PTPRT: variants seen among roughly 807,000 people sequenced by gnomAD.
PTPRT encodes protein tyrosine phosphatase receptor type T.
PTPRT carries 56 observed loss-of-function variants against 176.8 expected under a neutral mutation model. The observed-to-expected ratio is 0.32, with a 90% CI of 0.26 to 0.40. PTPRT has a LOEUF of 0.40. Among genes scored for constraint, PTPRT ranks in the 10% least tolerant of loss-of-function variants. PTPRT has a pLI of 1.00. For missense variants in PTPRT, 1,540 were observed against 1,908.2 expected (o/e 0.81, Z 3.60); for synonymous variants, 783 against 739.0 (o/e 1.06, Z -0.96).
At chr20:43,007,460 T>G (rs1004486636) in intron 1 of PTPRT, among the ~76,000 whole-genome samples, 3 of 152,260 alleles carry the variant, frequency 2.0e-5, no homozygotes, top group African/African-American at 7.2e-5. Flanking sequence ...AACTTTGATA[T>G]GTAAATTAAA....
chr20:42,743,501 A>C (rs554174357), intron 6 of PTPRT, among the ~76,000 whole-genome samples: 1 of 152,290 alleles, frequency 6.6e-6, no homozygotes, highest in African/African-American at 2.4e-5. Context: ...TTTTTATACT[A>C]TTTTAGAAAG....
At chr20:42,886,074 A>G (rs966840105) in intron 1 of PTPRT, 142 bp from the exon 2 acceptor site, 1 of 384,150 alleles carries the variant, frequency 2.6e-6, no homozygotes, top group African/African-American at 2.2e-5. Context: ...TATATATAAA[A>G]GATGAGCAAA....
intron 16 of PTPRT, among the ~76,000 whole-genome samples, chr20:42,182,547 C>A (rs932655192): frequency 6.6e-6 from 1 of 152,090 alleles, no homozygotes; most frequent in Non-Finnish European, 1.5e-5. Flanking sequence ...TGGAATGACT[C>A]CTATGTTCTG....
chr20:42,924,130 C>G (rs58770909), intron 1 of PTPRT, among the ~76,000 whole-genome samples: 4,595 of 152,240 alleles, frequency 0.03, 150 homozygotes, highest in African/African-American at 0.082. Context: ...GCTGGGATTA[C>G]AAGCATTTGC....
chr20:42,596,884 T>C (rs933235973), intron 7 of PTPRT, among the ~76,000 whole-genome samples: 33 of 152,178 alleles, frequency 2.2e-4, no homozygotes, highest in African/African-American at 7.7e-4. Context: ...GAAGTGTAAA[T>C]TGGTGTATAA....
At chr20:42,057,943 C>T in the PTPRT span, among the ~76,000 whole-genome samples, 1 of 152,146 alleles carries the variant, frequency 6.6e-6, no homozygotes, top group Non-Finnish European at 1.5e-5. Context: ...TTGGAAACAT[C>T]AAACAATTAG....
At chr20:42,811,244 T>C (rs923116513) in intron 2 of PTPRT, among the ~76,000 whole-genome samples, 3 of 152,152 alleles carry the variant, frequency 2.0e-5, no homozygotes, top group Non-Finnish European at 4.4e-5. Context: ...CATTAACATA[T>C]GGCAAACATC....
At chr20:42,844,763 C>T (rs1028350519) in intron 2 of PTPRT, among the ~76,000 whole-genome samples, 17 of 152,240 alleles carry the variant, frequency 1.1e-4, no homozygotes, top group Admixed American at 9.8e-4. Flanking sequence ...ACTGCTCTGG[C>T]GTTTGTTCAT....
intron 6 of PTPRT, among the ~76,000 whole-genome samples, chr20:42,741,353 CT>C (rs376747081): frequency 4.3e-4 from 66 of 151,952 alleles, no homozygotes; most frequent in African/African-American, 1.4e-3. Context: ...CTTTTCTGTT[CT>C]TTTTTTTGAG....
chr20:42,532,809 G>A (rs941404932), intron 7 of PTPRT, among the ~76,000 whole-genome samples: 1 of 152,040 alleles, frequency 6.6e-6, no homozygotes, highest in African/African-American at 2.4e-5. Context: ...ATGGGCTCCA[G>A]GTATAAACCC....
intron 9 of PTPRT, among the ~76,000 whole-genome samples, chr20:42,426,584 T>A (rs2059166270): frequency 6.6e-6 from 1 of 152,196 alleles, no homozygotes; most frequent in Admixed American, 6.5e-5. Flanking sequence ...ACTTAAGCCG[T>A]CTGCAGATGG....
In PTPRT at chr20:42,199,221, C is replaced by T. The variant is rs553517419; in HGVS notation, c.2491+19G>A. 3 of 1,612,864 alleles carry T rather than the reference C, an allele frequency of 1.9e-6. No homozygotes were observed. In the African/African-American group the frequency reaches 4.0e-5, roughly 21 times the overall value. On this transcript the variant is annotated intron_variant, in intron 16 of 30. Coordinates refer to ENST00000373187, the MANE Select transcript of PTPRT (RefSeq NM_007050.6). ...GCTGGACCACGGATGTCCCCTTCCC[C>T]TTTGTTGGCTCTACTTACTGAATCC...
At chr20:42,660,051 T>C (rs1312384684) in intron 7 of PTPRT, among the ~76,000 whole-genome samples, 2 of 152,172 alleles carry the variant, frequency 1.3e-5, no homozygotes, top group East Asian at 3.8e-4. Context: ...ACAGTGATCA[T>C]CTGAATTAAG....
At chr20:42,088,660 C>T (rs1459959534) in intron 27 of PTPRT, among the ~76,000 whole-genome samples, 1 of 152,202 alleles carries the variant, frequency 6.6e-6, no homozygotes, top group African/African-American at 2.4e-5. Context: ...TGAAACACAG[C>T]TACACTTATT....
intron 1 of PTPRT, among the ~76,000 whole-genome samples, chr20:43,132,421 G>A (rs4810375): frequency 0.43 from 65,056 of 151,976 alleles, 14,797 homozygotes; most frequent in East Asian, 0.83. Flanking sequence ...AAAATCACCC[G>A]TAACCCTGGA....
At chr20:42,627,376 GC>G (rs2145876955) in intron 7 of PTPRT, among the ~76,000 whole-genome samples, 1 of 151,986 alleles carries the variant, frequency 6.6e-6, no homozygotes, top group East Asian at 1.9e-4. Flanking sequence ...CAACCCTCTT[GC>G]CTCAACCTCC....
intron 1 of PTPRT, among the ~76,000 whole-genome samples, chr20:42,961,658 C>T (rs1600597909): frequency 6.6e-6 from 1 of 152,106 alleles, no homozygotes; most frequent in Admixed American, 6.5e-5. Flanking sequence ...GGAGGGGGCC[C>T]CCACACTCTC....
At chr20:43,076,138 G>C (rs1049892166) in intron 1 of PTPRT, among the ~76,000 whole-genome samples, 2 of 152,186 alleles carry the variant, frequency 1.3e-5, no homozygotes, top group African/African-American at 4.8e-5. Flanking sequence ...AGTGACCACA[G>C]TATAACTAAA....
chr20:42,734,377 C>T (rs2076506885), intron 6 of PTPRT, among the ~76,000 whole-genome samples: 1 of 152,180 alleles, frequency 6.6e-6, no homozygotes, highest in South Asian at 2.1e-4. Context: ...GAGAGAGTCC[C>T]TCTAGCCCTG....
Sources: allele counts gnomAD v4.1 joint callset (sites outside exome capture counted in the v4.1 genomes callset), GRCh38; gene constraint gnomAD v4.1.1; transcripts MANE v1.5; gene names NCBI Gene and HGNC (gene_info 2026-07-23, HGNC 2026-07-21).